ME2: variants seen among roughly 807,000 people sequenced by gnomAD.
ME2 encodes malic enzyme 2.
A neutral mutation model predicts 73.7 loss-of-function variants in ME2; 60 were observed. That is an observed-to-expected ratio of 0.81 (90% confidence interval 0.66 to 1.01). ME2 has a LOEUF of 1.01. Ranked by LOEUF, ME2 falls within the 50% of genes least tolerant of loss-of-function variation. The pLI is 0.00. For synonymous variants in ME2, 199 were observed against 236.9 expected (o/e 0.84, Z 1.47); for missense variants, 594 against 705.5 (o/e 0.84, Z 1.79).
chr18:50,904,032 CTG>C (rs1236661948), intron 2 of ME2, among the ~76,000 whole-genome samples: 2 of 152,166 alleles, frequency 1.3e-5, no homozygotes, highest in African/African-American at 4.8e-5. Flanking sequence ...TTCTGGACCT[CTG>C]TTGTTAGGTA....
At chr18:50,928,102 G>C (rs1321168313) in intron 12 of ME2, among the ~76,000 whole-genome samples, 3 of 151,844 alleles carry the variant, frequency 2.0e-5, no homozygotes, top group African/African-American at 7.3e-5. Context: ...ACAGACATGA[G>C]CCACTGTGCC....
At chr18:50,939,976 G>C (rs1917909276) in intron 14 of ME2, 1 of 419,414 alleles carries the variant, frequency 2.4e-6, no homozygotes, top group Admixed American at 4.1e-5. Flanking sequence ...GGGAGCTCCA[G>C]ACTTTGAAGT....
At chr18:50,928,698 T>C (rs1343197782) in intron 12 of ME2, among the ~76,000 whole-genome samples, 1 of 152,202 alleles carries the variant, frequency 6.6e-6, no homozygotes, top group Non-Finnish European at 1.5e-5. Context: ...GCCTGGGGTA[T>C]TTCCAGTTTG....
intron 2 of ME2, among the ~76,000 whole-genome samples, chr18:50,897,321 T>G (rs1916769244): frequency 6.6e-6 from 1 of 152,202 alleles, no homozygotes; most frequent in South Asian, 2.1e-4. Context: ...ATAATTTATT[T>G]AAAACCTACT....
chr18:50,895,149 T>C (rs372694732), intron 1 of ME2, among the ~76,000 whole-genome samples: 2 of 152,214 alleles, frequency 1.3e-5, no homozygotes, highest in South Asian at 2.1e-4. Flanking sequence ...AAGACTATTA[T>C]CACTAAATAT....
At chr18:50,902,127 A>G (rs1311047678) in intron 2 of ME2, among the ~76,000 whole-genome samples, 1 of 152,208 alleles carries the variant, frequency 6.6e-6, no homozygotes, top group African/African-American at 2.4e-5. Flanking sequence ...TACCTATGCA[A>G]ACCATTAACT....
rs1266294926 is a variant in ME2, at chr18:50,949,499, G to A, written c.*2315G>A. 3 of 152,154 alleles carry A rather than the reference G, an allele frequency of 2.0e-5. No homozygotes were observed. The highest frequency in any genetic ancestry group is 4.4e-5 in the Non-Finnish European group (3 of 68,030). 9.4% of individuals were successfully genotyped at this position (152,154 alleles called of 1,614,324 possible). The stretch of plus-strand genomic sequence containing the variant: ...AAGGTGTGCACCACCGCACCTGGCT[G>A]AGAGGCTTCTGTTTTTCATGTTCCC... On this transcript the variant is annotated 3_prime_UTR_variant, in exon 16 of 16. Transcript: ENST00000321341.
At chr18:50,914,611 G>A (rs975242650) in intron 4 of ME2, among the ~76,000 whole-genome samples, 26 of 152,120 alleles carry the variant, frequency 1.7e-4, no homozygotes, top group African/African-American at 6.0e-4. Context: ...TAAACTTTAA[G>A]CTAATTAAAT....
Position 50,948,293 on chromosome 18 carries a change from G to C in ME2, c.*1109G>C, listed in dbSNP as rs1470338534. ...CTGGGAAATGCCTTTTTTAATCCCA[G>C]TAAAATGGGTAATAATGGCTATCCA... On this transcript the variant is annotated 3_prime_UTR_variant, in exon 16 of 16. Coordinates refer to ENST00000321341, the MANE Select transcript of ME2 (RefSeq NM_002396.5). 6.6e-6 allele frequency: 1 copy of C among 152,102 alleles called. No homozygotes were observed. The highest frequency in any genetic ancestry group is 1.5e-5 in the Non-Finnish European group (1 of 68,020). The allele number at this position is 152,102 out of a possible 1,614,324, so 9.4% of individuals were successfully genotyped here.
At chr18:50,920,908 T>A in intron 9 of ME2, 150 bp downstream of exon 9, 1 of 746,434 alleles carries the variant, frequency 1.3e-6, no homozygotes, top group Non-Finnish European at 2.2e-6. Context: ...CTGTAAAACA[T>A]GTAATTTAAA....
At chr18:50,891,126 A>G (rs1916596996) in intron 1 of ME2, among the ~76,000 whole-genome samples, 1 of 152,250 alleles carries the variant, frequency 6.6e-6, no homozygotes, top group South Asian at 2.1e-4. Context: ...CGTAGAAGAA[A>G]CTGTGTAAAT....
chr18:50,907,491 A>T (rs1917044204), intron 2 of ME2, among the ~76,000 whole-genome samples: 1 of 152,202 alleles, frequency 6.6e-6, no homozygotes, highest in Non-Finnish European at 1.5e-5. Context: ...CAGCATTTTC[A>T]TTGACATTGC....
At chr18:50,928,361 T>C (rs1917614095) in intron 12 of ME2, among the ~76,000 whole-genome samples, 1 of 151,726 alleles carries the variant, frequency 6.6e-6, no homozygotes, top group South Asian at 2.1e-4. Context: ...TTCTCCTGCC[T>C]CAGCCTCCCG....
chr18:50,926,992 G>T (rs1343901843), intron 12 of ME2, among the ~76,000 whole-genome samples: 4 of 151,814 alleles, frequency 2.6e-5, no homozygotes, highest in Admixed American at 6.6e-5. Context: ...TTCTAAGGCT[G>T]TTTTTTTTGA....
At chr18:50,938,623 T>C (rs747661541) in intron 13 of ME2, among the ~76,000 whole-genome samples, 8 of 152,136 alleles carry the variant, frequency 5.3e-5, no homozygotes, top group Non-Finnish European at 7.3e-5. Flanking sequence ...GAATGTACCC[T>C]ACCAAAAGAG....
intron 15 of ME2, among the ~76,000 whole-genome samples, chr18:50,946,003 G>A (rs549549544): frequency 1.3e-5 from 2 of 152,132 alleles, no homozygotes; most frequent in Non-Finnish European, 2.9e-5. Context: ...GGAGATGGAG[G>A]TTGCAGTGAG....
At chr18:50,913,698 G>T (rs1165715685) in intron 4 of ME2, among the ~76,000 whole-genome samples, 1 of 151,876 alleles carries the variant, frequency 6.6e-6, no homozygotes, top group Non-Finnish European at 1.5e-5. Context: ...ATTATAAGTG[G>T]GAAGAGTACT....
At chr18:50,935,407 A>G (rs1917792497) in intron 13 of ME2, 1 of 152,018 alleles carries the variant, frequency 6.6e-6, no homozygotes, top group African/African-American at 2.4e-5. Flanking sequence ...AACTTAAGAC[A>G]AGTACCACTA....
chr18:50,905,796 G>C (rs553248108), intron 2 of ME2, among the ~76,000 whole-genome samples: 1 of 152,286 alleles, frequency 6.6e-6, no homozygotes, highest in East Asian at 1.9e-4. Context: ...CAGGTAACAG[G>C]CTTCAGAGAG....
Sources: gnomAD v4.1 joint callset for allele counts (sites outside exome capture counted in the v4.1 genomes callset) on GRCh38, gnomAD v4.1.1 for gene constraint, MANE v1.5 for transcripts, NCBI Gene and HGNC (gene_info 2026-07-23, HGNC 2026-07-21) for gene names.